ATRNL1: variants seen among roughly 807,000 people sequenced by gnomAD.
ATRNL1 encodes the protein attractin-like protein 1.
A neutral mutation model predicts 182.7 loss-of-function variants in ATRNL1; 95 were observed. That is an observed-to-expected ratio of 0.52 (90% CI 0.44 to 0.62). The LOEUF (loss-of-function observed/expected upper bound fraction) is 0.62, where lower values mean the gene tolerates loss of function less well. Among genes scored for constraint, ATRNL1 ranks in the 20% least tolerant of loss-of-function variants. The pLI is 0.00. For missense variants in ATRNL1, 1,471 were observed against 1,679.5 expected (o/e 0.88, Z 2.17); for synonymous variants, 576 against 568.3 (o/e 1.01, Z -0.19).
intron 25 of ATRNL1, among the ~76,000 whole-genome samples, chr10:115,547,800 A>C (rs187092590): frequency 6.6e-6 from 1 of 152,344 alleles, no homozygotes; most frequent in East Asian, 1.9e-4. Flanking sequence ...GCACCAGTTT[A>C]TACAATTTCT....
intron 28 of ATRNL1, among the ~76,000 whole-genome samples, chr10:115,861,690 G>T (rs1393283690): frequency 6.6e-6 from 1 of 151,974 alleles, no homozygotes; most frequent in Admixed American, 6.6e-5. Context: ...TTTTTTCTAT[G>T]TTTAACAAAT....
chr10:115,174,979 T>C (rs551039492), intron 8 of ATRNL1, among the ~76,000 whole-genome samples: 1 of 151,996 alleles, frequency 6.6e-6, no homozygotes, highest in Non-Finnish European at 1.5e-5. Flanking sequence ...AAGGCTGAAA[T>C]AGATGCTATC....
intron 27 of ATRNL1, among the ~76,000 whole-genome samples, chr10:115,820,755 A>G (rs576562783): frequency 6.6e-6 from 1 of 152,190 alleles, no homozygotes; most frequent in South Asian, 2.1e-4. Context: ...GGCTCTATCA[A>G]AGACTAACTT....
chr10:115,722,396 C>T (rs879998885), intron 26 of ATRNL1, among the ~76,000 whole-genome samples: 3 of 152,044 alleles, frequency 2.0e-5, no homozygotes, highest in Non-Finnish European at 2.9e-5. Context: ...TTTTTCTGAA[C>T]AAGAATTTGA....
At chr10:115,111,845 C>T (rs1372785107) in intron 1 of ATRNL1, among the ~76,000 whole-genome samples, 1 of 152,052 alleles carries the variant, frequency 6.6e-6, no homozygotes, top group Non-Finnish European at 1.5e-5. Context: ...CTTGTGTGGC[C>T]ATAATGGGCT....
chr10:115,851,713 G>A (rs1257719463), intron 28 of ATRNL1, among the ~76,000 whole-genome samples: 2 of 152,150 alleles, frequency 1.3e-5, no homozygotes, highest in Admixed American at 1.3e-4. Flanking sequence ...TCCCCGCCCA[G>A]TAAACCTGCT....
At chr10:115,869,493 G>GA (rs1337046597) in intron 28 of ATRNL1, among the ~76,000 whole-genome samples, 25 of 152,144 alleles carry the variant, frequency 1.6e-4, no homozygotes, top group African/African-American at 4.8e-4. Context: ...GGAGGTGGAA[G>GA]AGGGGCCAGG....
At chr10:115,705,327 A>G (rs1360274508) in intron 26 of ATRNL1, among the ~76,000 whole-genome samples, 1 of 151,916 alleles carries the variant, frequency 6.6e-6, no homozygotes, top group African/African-American at 2.4e-5. Context: ...TACATCTAGA[A>G]ATTTTCTTCA....
At chr10:115,329,399 T>C (rs782031982) in intron 18 of ATRNL1, among the ~76,000 whole-genome samples, 2 of 152,144 alleles carry the variant, frequency 1.3e-5, no homozygotes, top group Non-Finnish European at 2.9e-5. Context: ...GAAGTCATTT[T>C]TGTCATAAAT....
intron 20 of ATRNL1, among the ~76,000 whole-genome samples, chr10:115,401,496 A>G (rs550650710): frequency 3.3e-5 from 5 of 152,292 alleles, no homozygotes; most frequent in African/African-American, 9.6e-5. Flanking sequence ...GGCTGCTGAA[A>G]TGGAGAAAAT....
intron 10 of ATRNL1, among the ~76,000 whole-genome samples, chr10:115,263,954 A>G (rs1349894974): frequency 6.6e-6 from 1 of 151,778 alleles, no homozygotes; most frequent in Non-Finnish European, 1.5e-5. Flanking sequence ...TTTAATAGGC[A>G]GATATACCAT....
chr10:115,150,775 C>T (rs1230306207), intron 5 of ATRNL1, among the ~76,000 whole-genome samples: 5 of 151,912 alleles, frequency 3.3e-5, no homozygotes, highest in African/African-American at 9.7e-5. Flanking sequence ...GTACAACTTG[C>T]AGGTTTGTTA....
At chr10:115,515,894 C>G (rs968622628) in intron 24 of ATRNL1, among the ~76,000 whole-genome samples, 1 of 151,814 alleles carries the variant, frequency 6.6e-6, no homozygotes, top group Admixed American at 6.6e-5. Flanking sequence ...GTTCTTTGAT[C>G]ATCTTGGCAC....
chr10:115,730,076 G>T (rs1377360095), intron 27 of ATRNL1, among the ~76,000 whole-genome samples: 2 of 151,588 alleles, frequency 1.3e-5, no homozygotes, highest in African/African-American at 4.8e-5. Flanking sequence ...GGCCAATATG[G>T]TGAAACGCCA....
chr10:115,445,970 C>T (rs958566040), intron 21 of ATRNL1, among the ~76,000 whole-genome samples: 2 of 152,082 alleles, frequency 1.3e-5, no homozygotes, highest in South Asian at 4.1e-4. Context: ...ATTGTGTGAA[C>T]ATATCACATT....
chr10:115,502,854 G>A (rs1343309124), intron 24 of ATRNL1, among the ~76,000 whole-genome samples: 2 of 152,012 alleles, frequency 1.3e-5, no homozygotes, highest in African/African-American at 2.4e-5. Context: ...TAACAAAACT[G>A]CATGTTCTGC....
intron 26 of ATRNL1, among the ~76,000 whole-genome samples, chr10:115,661,662 G>A (rs967464975): frequency 6.6e-6 from 1 of 152,210 alleles, no homozygotes; most frequent in African/African-American, 2.4e-5. Context: ...TACCAGCCAC[G>A]TGATTTTCTG....
intron 28 of ATRNL1, among the ~76,000 whole-genome samples, chr10:115,942,303 C>G (rs1231257684): frequency 1.3e-5 from 2 of 152,242 alleles, no homozygotes; most frequent in African/African-American, 4.8e-5. Context: ...GCTGGCCGTA[C>G]TTCCTGTCAC....
intron 27 of ATRNL1, among the ~76,000 whole-genome samples, chr10:115,753,449 G>C (rs1198137051): frequency 2.0e-5 from 3 of 152,120 alleles, no homozygotes; most frequent in African/African-American, 7.2e-5. Flanking sequence ...TCTCGTGTTA[G>C]TTTGCTGAGA....
Sources: gnomAD v4.1 joint callset for allele counts (sites outside exome capture counted in the v4.1 genomes callset) on GRCh38, gnomAD v4.1.1 for gene constraint, MANE v1.5 for transcripts, NCBI Gene and HGNC (gene_info 2026-07-23, HGNC 2026-07-21) for gene names.